The following SLC25A53 variants were observed in gnomAD, a reference collection of about 807,000 sequenced individuals.
SLC25A53 encodes the protein solute carrier family 25 member 53.
Under a neutral mutation model 15.0 loss-of-function variants are expected in SLC25A53, and 5 were observed. The ratio of observed to expected loss-of-function variants is 0.33; its 90% CI spans 0.17 to 0.70. The LOEUF is 0.70. SLC25A53 is among the 30% of genes least tolerant of loss of function. SLC25A53 has a pLI of 0.67. For synonymous variants in SLC25A53, 95 were observed against 100.0 expected, an observed-to-expected ratio of 0.95 and a Z score of 0.30; for missense variants, 216 against 241.6, an observed-to-expected ratio of 0.89 and a Z score of 0.70.
chrX:104,117,750 T>A (rs782269524), intron 1 of SLC25A53, among the ~76,000 whole-genome samples: 1 of 111,883 alleles, frequency 8.9e-6, no homozygotes, highest in Non-Finnish European at 1.9e-5. Context: ...GATTAGAATA[T>A]AGTTCCCCTT....
chrX:104,152,643 G>T (rs1569465106), intron 1 of SLC25A53, among the ~76,000 whole-genome samples: 1 of 111,081 alleles, frequency 9.0e-6, no homozygotes, highest in Non-Finnish European at 1.9e-5. Flanking sequence ...TCACCATGTT[G>T]ACCAGGCTGG....
At chrX:104,133,317 G>C (rs1456684084) in intron 1 of SLC25A53, among the ~76,000 whole-genome samples, 2 of 111,730 alleles carry the variant, frequency 1.8e-5, no homozygotes, top group African/African-American at 6.5e-5. Flanking sequence ...TTTTTAACCA[G>C]CTATTATAAT....
chrX:104,153,010 C>T (rs886422961), intron 1 of SLC25A53, among the ~76,000 whole-genome samples: 1 of 110,970 alleles, frequency 9.0e-6, no homozygotes. Flanking sequence ...GGGGTTTGAA[C>T]GGGAGGTATA....
chrX:104,104,897 C>T lies in SLC25A53; in HGVS notation c.361G>A (p.Gly121Arg), dbSNP rs782336534. The part of the protein sequence containing the change: ...PHTLGHRWAA[G>R]LMSGVVEAVA... ...GCCTCCACCACGCCAGACATGAGCCCGGCAGCCCAGCGGTGTCCCAGGGTG... is the reference window on the plus strand; with the variant it reads ...GCCTCCACCACGCCAGACATGAGCCTGGCAGCCCAGCGGTGTCCCAGGGTG... Residue 121 changes from glycine (G) to arginine (R), a missense_variant, in exon 2 of 2, where the codon GGG becomes AGG. Gly to Arg is a moderately radical substitution (Grantham distance 125). Transcript: ENST00000594199. 19 of 1,211,753 alleles carry T rather than the reference C, an allele frequency of 1.6e-5. No homozygotes were observed. Among genetic ancestry groups the T allele is most frequent in the Non-Finnish European group, 2.0e-5 (18 of 895,547 alleles).
intron 1 of SLC25A53, among the ~76,000 whole-genome samples, chrX:104,124,047 G>A (rs2075403006): frequency 9.0e-6 from 1 of 111,715 alleles, no homozygotes; most frequent in African/African-American, 3.3e-5. Context: ...CTTTATAGCA[G>A]AATGATGTAT....
At chrX:104,120,858 A>G (rs1219157634) in intron 1 of SLC25A53, among the ~76,000 whole-genome samples, 6 of 112,260 alleles carry the variant, frequency 5.3e-5, no homozygotes, top group Admixed American at 3.8e-4. Flanking sequence ...CTAATTTACC[A>G]TAAGTTTTTA....
At chrX:104,115,046 C>A in intron 1 of SLC25A53, 1 of 1,195,669 alleles carries the variant, frequency 8.4e-7, no homozygotes, top group Non-Finnish European at 1.1e-6. Flanking sequence ...GTTATTGATT[C>A]CCCCAACAAT....
chrX:104,154,125 G>A (rs782539083), intron 1 of SLC25A53, among the ~76,000 whole-genome samples: 6 of 111,913 alleles, frequency 5.4e-5, no homozygotes, highest in Non-Finnish European at 1.1e-4. Context: ...AATATATAAG[G>A]GACTCAAATG....
At chrX:104,141,382 A>G (rs959218161) in intron 1 of SLC25A53, among the ~76,000 whole-genome samples, 7 of 111,876 alleles carry the variant, frequency 6.3e-5, no homozygotes, top group African/African-American at 2.3e-4. Flanking sequence ...AAAACAAAAC[A>G]AAGGCATAGG....
At chrX:104,154,022 A>G (rs1314245592) in intron 1 of SLC25A53, among the ~76,000 whole-genome samples, 1 of 112,305 alleles carries the variant, frequency 8.9e-6, no homozygotes, top group Non-Finnish European at 1.9e-5. Context: ...GTTTCCGCAC[A>G]GCAAAGAAAA....
chrX:104,148,315 G>T lies in SLC25A53; in HGVS notation c.-32+8563C>A, dbSNP rs868975895. The stretch of plus-strand genomic sequence containing the variant: ...GGGGACTGTTGTAGGGTGGGAGGAG[G>T]GGGGAGGGATAGCATTAGGAGATAT... On this transcript the variant is annotated intron_variant, in intron 1 of 1. Coordinates refer to ENST00000594199, the MANE Select transcript of SLC25A53 (RefSeq NM_001012755.5). 3.2e-3 allele frequency among the ~76,000 whole-genome samples: 345 copies of T among 109,222 alleles called. 3 individuals carry two copies. The highest frequency in any genetic ancestry group is 0.011 in the African/African-American group (319 of 29,813). 94.8% of individuals were successfully genotyped at this position (109,222 alleles called of 115,157 possible). A position where few individuals can be genotyped will look rare whatever the true frequency, so the allele number is the denominator to read the frequency against.
intron 1 of SLC25A53, among the ~76,000 whole-genome samples, chrX:104,137,055 G>A (rs930132318): frequency 2.9e-4 from 32 of 111,286 alleles, no homozygotes; most frequent in African/African-American, 1.0e-3. Context: ...ACTCAGTGAG[G>A]TAGATAATAT....
intron 1 of SLC25A53, among the ~76,000 whole-genome samples, chrX:104,111,866 C>A (rs1323965227): frequency 1.8e-5 from 2 of 112,178 alleles, no homozygotes; most frequent in African/African-American, 6.5e-5. Context: ...ATGGTTCTTG[C>A]TCACCAATTC....
At chrX:104,139,726 A>AGTTC (rs1556367180) in intron 1 of SLC25A53, among the ~76,000 whole-genome samples, 1 of 111,889 alleles carries the variant, frequency 8.9e-6, no homozygotes, top group Non-Finnish European at 1.9e-5. Flanking sequence ...AGGCAGGAGA[A>AGTTC]CTGCTTGAAC....
At chrX:104,115,100 A>G (rs2075371090) in intron 1 of SLC25A53, 1 of 1,201,775 alleles carries the variant, frequency 8.3e-7, no homozygotes, top group African/African-American at 1.7e-5. Context: ...TCTGGGTATA[A>G]GAATGATGGT....
intron 1 of SLC25A53, among the ~76,000 whole-genome samples, chrX:104,108,294 A>G (rs1264047271): frequency 2.7e-5 from 3 of 111,638 alleles, no homozygotes; most frequent in African/African-American, 9.8e-5. Context: ...AAACAGGGGT[A>G]TTAAGATCCA....
intron 1 of SLC25A53, among the ~76,000 whole-genome samples, chrX:104,132,802 G>A (rs1191072563): frequency 8.9e-6 from 1 of 111,965 alleles, no homozygotes; most frequent in Non-Finnish European, 1.9e-5. Context: ...TTACTGACTT[G>A]AAGACAAGAG....
Position 104,102,297 on chromosome X carries a change from A to G in SLC25A53, c.*2037T>C, listed in dbSNP as rs1424021199. The G allele has an allele frequency of 8.9e-6, 1 of 112,224 alleles. No homozygotes were observed. Among genetic ancestry groups the G allele is most frequent in the Non-Finnish European group, 1.9e-5 (1 of 53,302 alleles). The allele number at this position is 112,224 out of a possible 1,213,427, so 9.2% of individuals were successfully genotyped here. A position where few individuals can be genotyped will look rare whatever the true frequency, so the allele number is the denominator to read the frequency against. ...GCATTACTAAGATATCTGTAGGGGGAAACTATAACACATGTCATCTTGGAA... is the reference window on the plus strand; with the variant it reads ...GCATTACTAAGATATCTGTAGGGGGGAACTATAACACATGTCATCTTGGAA... On this transcript the variant is annotated 3_prime_UTR_variant, in exon 2 of 2. Transcript: ENST00000594199.
intron 1 of SLC25A53, among the ~76,000 whole-genome samples, chrX:104,135,058 C>G (rs1458193872): frequency 1.8e-5 from 2 of 110,978 alleles, no homozygotes; most frequent in Non-Finnish European, 3.8e-5. Flanking sequence ...CTAACCACTC[C>G]CGTGTTCCCT....
Sources: allele counts gnomAD v4.1 joint callset (sites outside exome capture counted in the v4.1 genomes callset), GRCh38; gene constraint gnomAD v4.1.1; transcripts MANE v1.5; gene names NCBI Gene and HGNC (gene_info 2026-07-23, HGNC 2026-07-21).